SGMS1: variants seen among roughly 807,000 people sequenced by gnomAD.
The protein encoded by SGMS1 is sphingomyelin synthase 1.
In SGMS1, 13 loss-of-function variants were observed where a neutral mutation model predicts 46.2. That is an observed-to-expected ratio of 0.28 (90% confidence interval 0.18 to 0.45). The LOEUF (loss-of-function observed/expected upper bound fraction) is 0.45, where lower values mean the gene tolerates loss of function less well. Among genes scored for constraint, SGMS1 ranks in the 20% least tolerant of loss-of-function variants. The pLI is 1.00. For synonymous variants in SGMS1, 203 were observed against 187.8 expected, an observed-to-expected ratio of 1.08 and a Z score of -0.66; for missense variants, 324 against 519.9, an observed-to-expected ratio of 0.62 and a Z score of 3.66.
At chr10:50,395,815 T>C (rs947311134) in intron 6 of SGMS1, among the ~76,000 whole-genome samples, 1 of 152,190 alleles carries the variant, frequency 6.6e-6, no homozygotes, top group Non-Finnish European at 1.5e-5. Flanking sequence ...TGGACATCGA[T>C]GAAGGATTAT....
intron 1 of SGMS1, among the ~76,000 whole-genome samples, chr10:50,597,461 G>A (rs1588888059): frequency 6.6e-6 from 1 of 152,292 alleles, no homozygotes; most frequent in Middle Eastern, 3.4e-3. Flanking sequence ...ACAAACCTTT[G>A]ATACACACAA....
intron 3 of SGMS1, among the ~76,000 whole-genome samples, chr10:50,493,452 C>T (rs967745807): frequency 2.0e-5 from 3 of 152,166 alleles, no homozygotes; most frequent in African/African-American, 7.2e-5. Flanking sequence ...GCAATTACAA[C>T]ATAAGCAAAA....
intron 2 of SGMS1, among the ~76,000 whole-genome samples, chr10:50,541,390 T>A (rs1838050933): frequency 6.6e-6 from 1 of 152,102 alleles, no homozygotes; most frequent in Admixed American, 6.5e-5. Context: ...TACTGTACAT[T>A]ACTGCCTTGT....
chr10:50,374,777 C>T, intron 6 of SGMS1, among the ~76,000 whole-genome samples: 1 of 152,118 alleles, frequency 6.6e-6, no homozygotes, highest in Non-Finnish European at 1.5e-5. Flanking sequence ...AATATGCCTA[C>T]TATGCTCTAC....
At chr10:50,572,800 A>G (rs183167067) in intron 2 of SGMS1, among the ~76,000 whole-genome samples, 37 of 152,332 alleles carry the variant, frequency 2.4e-4, no homozygotes, top group African/African-American at 8.9e-4. Flanking sequence ...AATGAAATAA[A>G]TTATAGGACC....
At chr10:50,515,692 C>T (rs1425278769) in intron 3 of SGMS1, among the ~76,000 whole-genome samples, 1 of 152,160 alleles carries the variant, frequency 6.6e-6, no homozygotes, top group East Asian at 1.9e-4. Flanking sequence ...CTCCCCAGCT[C>T]CCCAGGTGAA....
chr10:50,373,120 A>T (rs1848467976), intron 6 of SGMS1, among the ~76,000 whole-genome samples: 1 of 152,182 alleles, frequency 6.6e-6, no homozygotes, highest in African/African-American at 2.4e-5. Context: ...GGGTATCATC[A>T]TAGGAAATAC....
At chr10:50,365,411 AG>A (rs1221901582) in intron 6 of SGMS1, among the ~76,000 whole-genome samples, 1 of 152,128 alleles carries the variant, frequency 6.6e-6, no homozygotes, top group Non-Finnish European at 1.5e-5. Flanking sequence ...ACTATACTGA[AG>A]TTTTTTTTAA....
intron 6 of SGMS1, among the ~76,000 whole-genome samples, chr10:50,361,566 G>A (rs1471841443): frequency 6.6e-6 from 1 of 152,216 alleles, no homozygotes; most frequent in Non-Finnish European, 1.5e-5. Context: ...CATGCAAGCT[G>A]AATCTGGCCC....
chr10:50,343,742 G>A lies in SGMS1; in HGVS notation c.373C>T (p.Arg125Cys), dbSNP rs758302781. The change falls in exon 7 of 11, where the codon CGC (arginine) becomes TGC (cysteine). Residue 125 changes from arginine (R) to cysteine (C), a missense_variant. Transcript: ENST00000361781. Reference protein sequence around the residue: ...MIKIPMPELERSQYPMEWGKT... With the variant: ...MIKIPMPELECSQYPMEWGKT... ...CCCCACTCCATGGGGTACTGAGAGC[G>A]CTCCAGTTCTGGCATGGGGATCTTT... 11 of 1,614,048 alleles carry A rather than the reference G, an allele frequency of 6.8e-6. No homozygotes were observed. The highest frequency in any genetic ancestry group is 4.5e-5 in the East Asian group (2 of 44,892).
chr10:50,387,103 T>C (rs912147883), intron 6 of SGMS1, among the ~76,000 whole-genome samples: 1 of 152,142 alleles, frequency 6.6e-6, no homozygotes, highest in Non-Finnish European at 1.5e-5. Flanking sequence ...AACTGAGTAG[T>C]GCACCTCCAA....
At chr10:50,395,229 G>A (rs1467857119) in intron 6 of SGMS1, among the ~76,000 whole-genome samples, 1 of 152,114 alleles carries the variant, frequency 6.6e-6, no homozygotes, top group African/African-American at 2.4e-5. Context: ...TACAATTCTA[G>A]GTGCAACTCA....
chr10:50,566,730 T>C (rs1173581270), intron 2 of SGMS1, among the ~76,000 whole-genome samples: 1 of 152,144 alleles, frequency 6.6e-6, no homozygotes, highest in Admixed American at 6.5e-5. Context: ...TCCCTCAGTA[T>C]CCACAGGGGA....
chr10:50,381,804 C>G (rs1169238793), intron 6 of SGMS1, among the ~76,000 whole-genome samples: 1 of 152,188 alleles, frequency 6.6e-6, no homozygotes, highest in Non-Finnish European at 1.5e-5. Flanking sequence ...CAGCCTTTAT[C>G]CCTTGACCTT....
intron 2 of SGMS1, among the ~76,000 whole-genome samples, chr10:50,567,586 T>C (rs978957290): frequency 6.6e-6 from 1 of 152,222 alleles, no homozygotes; most frequent in African/African-American, 2.4e-5. Flanking sequence ...GCTGCTCCTA[T>C]TATACGGGGC....
chr10:50,623,539 G>A (rs971486597), intron 1 of SGMS1, 168 bp downstream of exon 1: 1 of 975,928 alleles, frequency 1.0e-6, no homozygotes, highest in Non-Finnish European at 1.2e-6. Flanking sequence ...AGCTCTGGAG[G>A]ACTGCCCGCC....
intron 2 of SGMS1, among the ~76,000 whole-genome samples, chr10:50,530,577 G>A (rs531781074): frequency 6.6e-6 from 1 of 152,142 alleles, no homozygotes; most frequent in South Asian, 2.1e-4. Flanking sequence ...TTGAATTCCT[G>A]GGCTCCAAGC....
intron 6 of SGMS1, among the ~76,000 whole-genome samples, chr10:50,371,900 C>G (rs148392638): frequency 1.3e-5 from 2 of 152,298 alleles, no homozygotes; most frequent in Non-Finnish European, 2.9e-5. Context: ...GTGATAATGG[C>G]ATTAATCCAT....
chr10:50,395,165 C>T (rs1848830881), intron 6 of SGMS1, among the ~76,000 whole-genome samples: 1 of 151,916 alleles, frequency 6.6e-6, no homozygotes, highest in East Asian at 1.9e-4. Flanking sequence ...TAGACACCTC[C>T]CCAAGAAAAA....
Sources: gnomAD v4.1 joint callset for allele counts (sites outside exome capture counted in the v4.1 genomes callset) on GRCh38, gnomAD v4.1.1 for gene constraint, MANE v1.5 for transcripts, NCBI Gene and HGNC (gene_info 2026-07-23, HGNC 2026-07-21) for gene names.